Variants in MALRD1 observed in about 807,000 individuals in gnomAD.
MALRD1 encodes the protein MAM and LDL-receptor class A domain-containing protein 1.
Under a neutral mutation model 242.1 loss-of-function variants are expected in MALRD1, and 247 were observed. The ratio of observed to expected loss-of-function variants is 1.02; its 90% CI spans 0.92 to 1.13. The LOEUF is 1.13. MALRD1 is among the 50% of genes most tolerant of loss of function. The pLI is 0.00. For synonymous variants in MALRD1, 995 were observed against 866.6 expected, an observed-to-expected ratio of 1.15 and a Z score of -2.60; for missense variants, 2,989 against 2,533.1, an observed-to-expected ratio of 1.18 and a Z score of -3.86.
intron 29 of MALRD1, among the ~76,000 whole-genome samples, chr10:19,454,428 AT>A (rs1355021121): frequency 2.2e-5 from 3 of 138,292 alleles, no homozygotes; most frequent in African/African-American, 5.2e-5. Flanking sequence ...ATATATATAT[AT>A]ATAATTATAT....
chr10:19,525,195 G>A (rs1277865496), intron 31 of MALRD1, among the ~76,000 whole-genome samples: 6 of 151,616 alleles, frequency 4.0e-5, no homozygotes, highest in East Asian at 1.9e-4. Context: ...GATTACAGGC[G>A]TGAGCCACCG....
chr10:19,264,489 T>C (rs545740076), intron 19 of MALRD1, among the ~76,000 whole-genome samples: 1 of 150,848 alleles, frequency 6.6e-6, no homozygotes, highest in Non-Finnish European at 1.5e-5. Flanking sequence ...AGTCTTGCTC[T>C]GTCGCCCAGG....
chr10:19,592,899 G>A (rs1252701975), intron 33 of MALRD1, among the ~76,000 whole-genome samples: 1 of 151,364 alleles, frequency 6.6e-6, no homozygotes, highest in Non-Finnish European at 1.5e-5. Context: ...AGTCATAGAT[G>A]TATTACTAAA....
At chr10:19,530,359 T>G (rs1393818943) in intron 31 of MALRD1, among the ~76,000 whole-genome samples, 1 of 107,020 alleles carries the variant, frequency 9.3e-6, no homozygotes, top group Non-Finnish European at 1.7e-5. Flanking sequence ...TATATAATAT[T>G]TATATAAATA....
At chr10:19,603,752 A>C (rs1446079376) in intron 34 of MALRD1, among the ~76,000 whole-genome samples, 1 of 152,126 alleles carries the variant, frequency 6.6e-6, no homozygotes, top group Non-Finnish European at 1.5e-5. Flanking sequence ...GTTTCTCACA[A>C]TATTTCAAAC....
intron 32 of MALRD1, among the ~76,000 whole-genome samples, chr10:19,536,156 G>C (rs2131363705): frequency 6.6e-6 from 1 of 152,060 alleles, no homozygotes; most frequent in Non-Finnish European, 1.5e-5. Flanking sequence ...TACCTTCCTA[G>C]GTAGGTTTGG....
chr10:19,075,572 G>C (rs941547839), intron 2 of MALRD1, among the ~76,000 whole-genome samples: 2 of 152,036 alleles, frequency 1.3e-5, no homozygotes, highest in African/African-American at 4.8e-5. Context: ...CAGCAAAGAC[G>C]CAGGGATCTC....
chr10:19,562,660 G>T (rs1461522652), intron 32 of MALRD1, among the ~76,000 whole-genome samples: 2 of 152,142 alleles, frequency 1.3e-5, no homozygotes, highest in African/African-American at 2.4e-5. Flanking sequence ...TAATGCAGGG[G>T]TATCCAAGCT....
intron 36 of MALRD1, among the ~76,000 whole-genome samples, chr10:19,620,737 T>C (rs1839364297): frequency 6.6e-6 from 1 of 152,060 alleles, no homozygotes. Context: ...GCAAGAGTTA[T>C]TTCAATATGT....
intron 36 of MALRD1, among the ~76,000 whole-genome samples, chr10:19,624,069 G>A (rs970155902): frequency 2.0e-5 from 3 of 152,106 alleles, no homozygotes; most frequent in East Asian, 1.9e-4. Flanking sequence ...TTGCTAATGC[G>A]AATTGGTGTA....
intron 28 of MALRD1, among the ~76,000 whole-genome samples, chr10:19,437,516 T>A (rs1445681811): frequency 6.6e-6 from 1 of 151,762 alleles, no homozygotes; most frequent in African/African-American, 2.4e-5. Context: ...ATTATTATTA[T>A]TTTTTGTTAT....
chr10:19,139,560 A>T (rs1463236647), intron 10 of MALRD1, among the ~76,000 whole-genome samples: 1 of 152,172 alleles, frequency 6.6e-6, no homozygotes, highest in East Asian at 1.9e-4. Flanking sequence ...GAGGATTGTC[A>T]GTTGGTATTC....
chr10:19,389,047 A>T (rs866888055), intron 27 of MALRD1: 8 of 332,982 alleles, frequency 2.4e-5, no homozygotes, highest in South Asian at 1.2e-4. Context: ...TCTTAGTGTT[A>T]TATTTACACA....
intron 31 of MALRD1, among the ~76,000 whole-genome samples, chr10:19,525,530 CA>C (rs1340060860): frequency 2.3e-4 from 35 of 152,144 alleles, no homozygotes; most frequent in Admixed American, 2.2e-3. Context: ...CTACAATTTT[CA>C]AAAATGTGTG....
chr10:19,463,639 A>G (rs1356111251), intron 29 of MALRD1, among the ~76,000 whole-genome samples: 2 of 151,896 alleles, frequency 1.3e-5, no homozygotes, highest in Non-Finnish European at 2.9e-5. Flanking sequence ...ATTTGGTTAC[A>G]TATTTTTGAA....
At chr10:19,427,712 A>G (rs570668486) in intron 28 of MALRD1, among the ~76,000 whole-genome samples, 1 of 152,288 alleles carries the variant, frequency 6.6e-6, no homozygotes, top group South Asian at 2.1e-4. Context: ...GGCGTTATAT[A>G]GACTGTGTGT....
At chr10:19,563,193 A>C (rs929380347) in intron 32 of MALRD1, among the ~76,000 whole-genome samples, 1 of 152,166 alleles carries the variant, frequency 6.6e-6, no homozygotes, top group Admixed American at 6.5e-5. Context: ...CCCTACAATC[A>C]TACATCACTT....
At chr10:19,057,833 G>A (rs1564365269) in intron 1 of MALRD1, among the ~76,000 whole-genome samples, 1 of 152,104 alleles carries the variant, frequency 6.6e-6, no homozygotes, top group Non-Finnish European at 1.5e-5. Flanking sequence ...AGAAGAAAAA[G>A]AGAAAGAATT....
chr10:19,698,806 G>C (rs979139395), intron 38 of MALRD1, among the ~76,000 whole-genome samples: 21 of 152,128 alleles, frequency 1.4e-4, no homozygotes, highest in Non-Finnish European at 2.5e-4. Flanking sequence ...ATGGCCACTG[G>C]AGTATTCTGT....
Sources: allele counts gnomAD v4.1 joint callset (sites outside exome capture counted in the v4.1 genomes callset), GRCh38; gene constraint gnomAD v4.1.1; transcripts MANE v1.5; gene names NCBI Gene and HGNC (gene_info 2026-07-23, HGNC 2026-07-21).